QKI: variants seen among roughly 807,000 people sequenced by gnomAD.
QKI encodes the protein QKI, KH domain containing RNA binding.
Under a neutral mutation model 39.0 loss-of-function variants are expected in QKI, and 10 were observed. The observed-to-expected ratio is 0.26, with a 90% CI of 0.16 to 0.43. QKI has a LOEUF of 0.43. Among genes scored for constraint, QKI ranks in the 20% least tolerant of loss-of-function variants. The pLI is 1.00. For missense variants in QKI, 218 were observed against 428.0 expected (o/e 0.51, Z 4.33); for synonymous variants, 204 against 155.4 (o/e 1.31, Z -2.33).
chr6:163,530,947 AT>A (rs1353488951), intron 3 of QKI, among the ~76,000 whole-genome samples: 4 of 151,844 alleles, frequency 2.6e-5, no homozygotes, highest in African/African-American at 9.7e-5. Context: ...TTTTCTTTAT[AT>A]TGGTAGTTGG....
chr6:163,432,048 C>T (rs375422045), intron 1 of QKI, among the ~76,000 whole-genome samples: 2 of 152,098 alleles, frequency 1.3e-5, no homozygotes, highest in East Asian at 3.8e-4. Context: ...GTAAGAGTAC[C>T]TTTGGGCCTG....
chr6:163,479,060 C>T (rs989952145), intron 3 of QKI, among the ~76,000 whole-genome samples, 164 bp downstream of exon 3: 6 of 151,988 alleles, frequency 3.9e-5, no homozygotes, highest in South Asian at 2.1e-4. Flanking sequence ...CCGAGGCAGG[C>T]GGATCGTCTG....
intron 3 of QKI, among the ~76,000 whole-genome samples, chr6:163,490,756 G>T (rs183121897): frequency 6.6e-6 from 1 of 152,092 alleles, no homozygotes; most frequent in Non-Finnish European, 1.5e-5. Flanking sequence ...AATTGTTTTG[G>T]AAAGGTAACT....
chr6:163,549,118 A>G (rs1326704718), intron 4 of QKI, among the ~76,000 whole-genome samples: 1 of 152,158 alleles, frequency 6.6e-6, no homozygotes, highest in African/African-American at 2.4e-5. Context: ...GGCGGAAGGC[A>G]TCTCTTCACA....
intron 1 of QKI, among the ~76,000 whole-genome samples, chr6:163,443,868 A>T (rs910086097): frequency 3.9e-5 from 6 of 152,202 alleles, no homozygotes; most frequent in Non-Finnish European, 5.9e-5. Context: ...TACCTCCTAC[A>T]CAGACGTAAC....
At chr6:163,501,142 G>A (rs1778731294) in intron 3 of QKI, among the ~76,000 whole-genome samples, 1 of 152,078 alleles carries the variant, frequency 6.6e-6, no homozygotes, top group African/African-American at 2.4e-5. Flanking sequence ...TTTATGGCAA[G>A]CTGTGAAATA....
chr6:163,471,867 AATAAGG>A (rs1792216566), intron 2 of QKI, among the ~76,000 whole-genome samples: 1 of 152,174 alleles, frequency 6.6e-6, no homozygotes, highest in African/African-American at 2.4e-5. Flanking sequence ...TCCTGTTTAA[AATAAGG>A]ATAACAAAAG....
chr6:163,484,392 G>A (rs1050681556), intron 3 of QKI, among the ~76,000 whole-genome samples: 10 of 151,998 alleles, frequency 6.6e-5, no homozygotes, highest in Non-Finnish European at 8.8e-5. Context: ...GTAGAGATGC[G>A]GTTTTGCCGT....
At chr6:163,482,875 A>G (rs1793183183) in intron 3 of QKI, among the ~76,000 whole-genome samples, 1 of 152,178 alleles carries the variant, frequency 6.6e-6, no homozygotes, top group Non-Finnish European at 1.5e-5. Flanking sequence ...GATCGACTCA[A>G]CATTCAGCCT....
intron 1 of QKI, among the ~76,000 whole-genome samples, chr6:163,439,334 T>G (rs1245580281): frequency 7.8e-6 from 1 of 128,446 alleles, no homozygotes; most frequent in African/African-American, 2.8e-5. Flanking sequence ...TTCGTGGTTT[T>G]TTTTTGTTTT....
intron 3 of QKI, among the ~76,000 whole-genome samples, chr6:163,491,608 G>A (rs1220807882): frequency 3.3e-5 from 5 of 152,078 alleles, no homozygotes; most frequent in African/African-American, 1.2e-4. Context: ...TTTTAAGATA[G>A]AAGAGTACAA....
At chr6:163,565,403 T>G (rs993654130) in intron 6 of QKI, 2 of 985,854 alleles carry the variant, frequency 2.0e-6, no homozygotes, top group African/African-American at 1.7e-5. Flanking sequence ...CTCCCTGATT[T>G]TGCCACGTGG....
At chr6:163,554,137 CT>C (rs1421789580) in intron 4 of QKI, among the ~76,000 whole-genome samples, 1 of 152,180 alleles carries the variant, frequency 6.6e-6, no homozygotes, top group Non-Finnish European at 1.5e-5. Context: ...GGGGAGAACC[CT>C]AGCTGGCTGC....
intron 1 of QKI, among the ~76,000 whole-genome samples, chr6:163,452,401 G>A (rs57832687): frequency 0.021 from 3,200 of 152,122 alleles, 105 homozygotes; most frequent in African/African-American, 0.073. Context: ...GAAAAAAATC[G>A]TGGTAGAAAG....
intron 3 of QKI, among the ~76,000 whole-genome samples, chr6:163,505,266 G>A (rs373602211): frequency 1.1e-4 from 16 of 152,320 alleles, no homozygotes; most frequent in African/African-American, 3.8e-4. Flanking sequence ...CAGTGCAGAA[G>A]GGAAATGTGA....
chr6:163,467,567 T>C (rs1791861089), intron 2 of QKI, among the ~76,000 whole-genome samples: 1 of 152,330 alleles, frequency 6.6e-6, no homozygotes, highest in South Asian at 2.1e-4. Flanking sequence ...GTACGTAACA[T>C]GTGCCATGTG....
chr6:163,505,369 T>A (rs940865099), intron 3 of QKI, among the ~76,000 whole-genome samples: 1 of 152,106 alleles, frequency 6.6e-6, no homozygotes, highest in Non-Finnish European at 1.5e-5. Context: ...GAAAAGTAGA[T>A]CCACTGACAG....
chr6:163,442,586 A>G (rs2128215355), intron 1 of QKI, among the ~76,000 whole-genome samples: 1 of 152,334 alleles, frequency 6.6e-6, no homozygotes, highest in South Asian at 2.1e-4. Context: ...AGGGCTTGTG[A>G]TGGTGAAGTG....
At chr6:163,430,696 C>T (rs1173796800) in intron 1 of QKI, among the ~76,000 whole-genome samples, 1 of 152,036 alleles carries the variant, frequency 6.6e-6, no homozygotes, top group Non-Finnish European at 1.5e-5. Flanking sequence ...TTTCTTTTCC[C>T]CATCTTCCCA....
Sources: gnomAD v4.1 joint callset for allele counts (sites outside exome capture counted in the v4.1 genomes callset) on GRCh38, gnomAD v4.1.1 for gene constraint, MANE v1.5 for transcripts, NCBI Gene and HGNC (gene_info 2026-07-23, HGNC 2026-07-21) for gene names.